The following AP3B1 variants were observed in gnomAD, a reference collection of about 807,000 sequenced individuals.
AP3B1 encodes the protein AP-3 complex subunit beta-1.
A neutral mutation model predicts 132.5 loss-of-function variants in AP3B1; 61 were observed. The observed-to-expected ratio is 0.46, with a 90% CI of 0.37 to 0.57. The LOEUF (loss-of-function observed/expected upper bound fraction) is 0.57, where lower values mean the gene tolerates loss of function less well. Among genes scored for constraint, AP3B1 ranks in the 20% least tolerant of loss-of-function variants. The pLI is 0.00. For synonymous variants in AP3B1, 388 were observed against 438.3 expected, an observed-to-expected ratio of 0.89 and a Z score of 1.43; for missense variants, 1,120 against 1,289.4, an observed-to-expected ratio of 0.87 and a Z score of 2.01.
intron 11 of AP3B1, among the ~76,000 whole-genome samples, chr5:78,170,406 TCTCCA>T (rs1362010038): frequency 2.0e-5 from 3 of 152,156 alleles, no homozygotes; most frequent in Non-Finnish European, 4.4e-5. Context: ...CTCCACATCC[TCTCCA>T]GCATCTGTTG....
In AP3B1 at chr5:78,193,744, T is replaced by TATA. The variant is rs1262089756; in HGVS notation, c.787-12083_787-12082insTAT. Among the ~76,000 whole-genome samples, 434 of 110,348 alleles carry TATA rather than the reference T, an allele frequency of 3.9e-3. 5 individuals carry two copies. Among genetic ancestry groups the TATA allele is most frequent in the South Asian group, 9.2e-3 (33 of 3,590 alleles). 72.4% of individuals were successfully genotyped at this position (110,348 alleles called of 152,430 possible). On this transcript the variant is annotated intron_variant, in intron 7 of 26. Transcript: ENST00000255194. The stretch of plus-strand genomic sequence containing the variant: ...TTTTTAAATATTTGTATATATTTTT[T>TATA]TATATATATATATATATATATATAT...
At chr5:78,026,782 C>G (rs1747356692) in intron 24 of AP3B1, among the ~76,000 whole-genome samples, 1 of 152,204 alleles carries the variant, frequency 6.6e-6, no homozygotes. Context: ...CTCTACCTTC[C>G]TGGTCAATAC....
At chr5:78,272,545 G>C (rs2112569395) in intron 1 of AP3B1, among the ~76,000 whole-genome samples, 1 of 152,098 alleles carries the variant, frequency 6.6e-6, no homozygotes, top group South Asian at 2.1e-4. Context: ...AAAAGTGATA[G>C]GAAAAACCCT....
intron 6 of AP3B1, among the ~76,000 whole-genome samples, chr5:78,224,014 C>T (rs1287780272): frequency 1.3e-5 from 2 of 152,034 alleles, no homozygotes; most frequent in African/African-American, 4.8e-5. Flanking sequence ...GTAGATCTTA[C>T]TACTCTCCAT....
intron 17 of AP3B1, among the ~76,000 whole-genome samples, chr5:78,122,190 T>C (rs1234483640): frequency 6.6e-6 from 1 of 152,144 alleles, no homozygotes; most frequent in African/African-American, 2.4e-5. Flanking sequence ...ATTGATGGGA[T>C]GTATCTCAAA....
chr5:78,047,062 T>A (rs984135700), intron 22 of AP3B1, among the ~76,000 whole-genome samples: 1 of 152,200 alleles, frequency 6.6e-6, no homozygotes, highest in Non-Finnish European at 1.5e-5. Context: ...TAGTATTCCA[T>A]GGTGTATGTG....
intron 24 of AP3B1, among the ~76,000 whole-genome samples, chr5:78,021,954 T>A (rs193063702): frequency 6.6e-6 from 1 of 152,154 alleles, no homozygotes. Flanking sequence ...GCCTGTGAGA[T>A]GGTAGCTAGA....
chr5:78,041,269 C>T (rs1303598552), intron 22 of AP3B1, among the ~76,000 whole-genome samples: 5 of 145,084 alleles, frequency 3.4e-5, no homozygotes, highest in East Asian at 2.1e-4. Context: ...AGCAAAACTC[C>T]GTCTCAAAAA....
At chr5:78,246,208 AT>A (rs956417633) in intron 2 of AP3B1, among the ~76,000 whole-genome samples, 1 of 151,076 alleles carries the variant, frequency 6.6e-6, no homozygotes, top group South Asian at 2.1e-4. Context: ...TTTGACTTTT[AT>A]TTTTTTTCAT....
At chr5:78,140,823 A>G (rs1015931222) in intron 15 of AP3B1, among the ~76,000 whole-genome samples, 4 of 152,222 alleles carry the variant, frequency 2.6e-5, no homozygotes, top group African/African-American at 4.8e-5. Context: ...ACAAGCCCTT[A>G]GTCAAGAGTT....
At chr5:78,118,776 G>C (rs1282936904) in intron 17 of AP3B1, among the ~76,000 whole-genome samples, 1 of 152,208 alleles carries the variant, frequency 6.6e-6, no homozygotes, top group Non-Finnish European at 1.5e-5. Flanking sequence ...AAAGACAGCA[G>C]TAACCTCTGC....
intron 7 of AP3B1, among the ~76,000 whole-genome samples, chr5:78,215,016 T>A (rs1580497025): frequency 6.6e-6 from 1 of 152,054 alleles, no homozygotes; most frequent in Non-Finnish European, 1.5e-5. Context: ...TAATACTAAA[T>A]CAATATAGAA....
chr5:78,258,369 G>T (rs960508883), intron 2 of AP3B1, among the ~76,000 whole-genome samples: 4 of 152,096 alleles, frequency 2.6e-5, no homozygotes, highest in Non-Finnish European at 4.4e-5. Context: ...TAAAAAGGGG[G>T]CAAAAGATTT....
intron 7 of AP3B1, among the ~76,000 whole-genome samples, chr5:78,182,587 G>A (rs1246603134): frequency 3.3e-5 from 5 of 152,092 alleles, no homozygotes; most frequent in Non-Finnish European, 7.4e-5. Context: ...TCCACAACTC[G>A]GTGCAGAAGC....
chr5:78,148,384 G>C (rs995979148), intron 14 of AP3B1, among the ~76,000 whole-genome samples: 1 of 152,096 alleles, frequency 6.6e-6, no homozygotes, highest in African/African-American at 2.4e-5. Flanking sequence ...CTGTAAACAA[G>C]GTATTAACTA....
chr5:78,111,346 G>T (rs1751581896), intron 19 of AP3B1, among the ~76,000 whole-genome samples: 1 of 152,144 alleles, frequency 6.6e-6, no homozygotes, highest in African/African-American at 2.4e-5. Context: ...TTGACTACAT[G>T]TTGGCATTAT....
intron 15 of AP3B1, among the ~76,000 whole-genome samples, chr5:78,133,152 A>G (rs774386734): frequency 7.9e-5 from 12 of 152,212 alleles, no homozygotes; most frequent in Non-Finnish European, 1.3e-4. Flanking sequence ...TTGCTGGTAT[A>G]TCAAGTTGCT....
At chr5:78,156,725 T>C (rs1171849082) in intron 13 of AP3B1, among the ~76,000 whole-genome samples, 1 of 152,176 alleles carries the variant, frequency 6.6e-6, no homozygotes, top group Non-Finnish European at 1.5e-5. Context: ...TTGATTCCTA[T>C]AAATTATATA....
rs150188927 is a variant in AP3B1 at position 78,144,313 on chromosome 5, A to G, written c.1474-2994T>C. On this transcript the variant is annotated intron_variant, in intron 14 of 26. Coordinates refer to ENST00000255194, the MANE Select transcript of AP3B1 (RefSeq NM_003664.5). ...AGAAGGCAGTTTCCACGGCCACCAC[A>G]ACCCATTAATTTGCCAGCAAAAACA... Among the ~76,000 whole-genome samples the G allele has an allele frequency of 4.1e-3, 625 of 152,314 alleles. 3 individuals are homozygous for G. The highest frequency in any genetic ancestry group is 0.014 in the African/African-American group (579 of 41,562).
Sources: allele counts gnomAD v4.1 joint callset (sites outside exome capture counted in the v4.1 genomes callset), GRCh38; gene constraint gnomAD v4.1.1; transcripts MANE v1.5; gene names NCBI Gene and HGNC (gene_info 2026-07-23, HGNC 2026-07-21).